The following INSRR variants were observed in gnomAD, a reference collection of about 807,000 sequenced individuals.
INSRR encodes insulin receptor related receptor.
A neutral mutation model predicts 130.0 loss-of-function variants in INSRR; 114 were observed. The ratio of observed to expected loss-of-function variants is 0.88; its 90% CI spans 0.75 to 1.02. The LOEUF is 1.02. Ranked by LOEUF, INSRR falls within the 50% of genes least tolerant of loss-of-function variation. INSRR has a pLI of 0.00. For synonymous variants in INSRR, 674 were observed against 705.2 expected (o/e 0.96, Z 0.70); for missense variants, 1,657 against 1,735.2 (o/e 0.95, Z 0.80).
At chr1:156,857,881 C>T (rs553738374) in intron 1 of INSRR, among the ~76,000 whole-genome samples, 142 of 152,334 alleles carry the variant, frequency 9.3e-4, no homozygotes, top group Non-Finnish European at 1.6e-3. Flanking sequence ...ACCAATCCCC[C>T]AGCACCTCCA....
intron 10 of INSRR, 102 bp from the exon 11 acceptor site, chr1:156,845,515 C>A: frequency 6.8e-7 from 1 of 1,480,834 alleles, no homozygotes. Flanking sequence ...CGGGACCCGC[C>A]CACACAAGCA....
In INSRR at chr1:156,841,384, G is replaced by C; in HGVS notation, c.3662+10C>G. On this transcript the variant is annotated intron_variant, in intron 21 of 21. Coordinates refer to ENST00000368195, the MANE Select transcript of INSRR (RefSeq NM_014215.3). Reference sequence around the variant, plus strand: ...TCAACAATGAGGAAGGGGCAGGGGAGGTGACTCACAGCTGAAGGGGACAGC... The same window carrying C: ...TCAACAATGAGGAAGGGGCAGGGGACGTGACTCACAGCTGAAGGGGACAGC... 6.2e-7 allele frequency: 1 copy of C among 1,613,210 alleles called. No individual in the cohort carries two copies. The highest frequency in any genetic ancestry group is 8.5e-7 in the Non-Finnish European group (1 of 1,179,340).
intron 1 of INSRR, among the ~76,000 whole-genome samples, chr1:156,857,178 TG>T (rs1655438232): frequency 9.0e-6 from 1 of 110,508 alleles, no homozygotes; most frequent in Non-Finnish European, 1.9e-5. Flanking sequence ...TGTGTGTGTG[TG>T]TGTGTGTGTG....
chr1:156,844,900 CA>C (rs1486877622), intron 12 of INSRR, 57 bp from the exon 13 acceptor site: 2 of 1,604,492 alleles, frequency 1.2e-6, no homozygotes, highest in Admixed American at 3.4e-5. Context: ...ACCTTATGTT[CA>C]AACCCAAGCT....
intron 10 of INSRR, 65 bp from the exon 11 acceptor site, chr1:156,845,478 GTACCGCCTCCAA>G: frequency 6.6e-7 from 1 of 1,513,510 alleles, no homozygotes; most frequent in Non-Finnish European, 8.8e-7. Context: ...TCTGCAGCGC[GTACCGCCTCCAA>G]AAGCACCCAC....
Position 156,858,675 on chromosome 1 carries a change from G to C in INSRR, c.-54C>G. The C allele has an allele frequency of 4.0e-6, 6 of 1,496,234 alleles. No homozygotes were observed. The South Asian group carries it at 6.8e-5, about 17-fold the overall frequency. The allele number at this position is 1,496,234 out of a possible 1,614,324, so 92.7% of individuals were successfully genotyped here. On this transcript the variant is annotated 5_prime_UTR_variant, in exon 1 of 22. Transcript: ENST00000368195. ...CGGCTCTCCTCCCGGTGACTCTGGGGAGAACGGTGTGATAAGCCCTAAGGG... is the reference window on the plus strand; with the variant it reads ...CGGCTCTCCTCCCGGTGACTCTGGGCAGAACGGTGTGATAAGCCCTAAGGG...
chr1:156,851,313 G>A lies in INSRR; in HGVS notation c.1206C>T (p.Ile402=), dbSNP rs573183273. 1 of 1,614,168 alleles carries A rather than the reference G, an allele frequency of 6.2e-7. No individual in the cohort carries two copies. The highest frequency in any genetic ancestry group is 8.5e-7 in the Non-Finnish European group (1 of 1,180,028). The change falls in exon 5 of 22, where the codon ATC becomes ATT. Residue 402 remains isoleucine (I), a synonymous_variant. Transcript: ENST00000368195. ...ACCCATCCACCATGGCGTCTCCCCGGATTAGTTTGAGGTTCTTGAAAAAGC... is the reference window on the plus strand; with the variant it reads ...ACCCATCCACCATGGCGTCTCCCCGAATTAGTTTGAGGTTCTTGAAAAAGC... The part of the protein sequence containing the change: ...SLGFFKNLKL[I]RGDAMVDGNY...
At chr1:156,843,257 A>G in intron 16 of INSRR, 24 bp from the exon 17 acceptor site, 6 of 1,607,710 alleles carry the variant, frequency 3.7e-6, no homozygotes, top group Non-Finnish European at 5.1e-6. Context: ...GAGGGTCACA[A>G]AGCGAGGATG....
rs953826098 is a variant in INSRR at position 156,844,884 on chromosome 1, C to A, written c.2438-41G>T. The A allele has an allele frequency of 1.9e-6, 3 of 1,611,058 alleles. No homozygotes were observed. In the African/African-American group the frequency reaches 4.0e-5, roughly 22 times the overall value. ...TCCAGCAGCCGGGCCAAAAGTGGTT[C>A]ATCTCACCTTATGTTCAAACCCAAG... On this transcript the variant is annotated intron_variant, in intron 12 of 21. Transcript: ENST00000368195.
chr1:156,842,211 C>A lies in INSRR; in HGVS notation c.3298G>T (p.Ala1100Ser), dbSNP rs982208257. The change falls in exon 19 of 22, where the codon GCA becomes TCA. Residue 1100 changes from alanine (A) to serine (S), a missense_variant. Coordinates refer to ENST00000368195, the MANE Select transcript of INSRR (RefSeq NM_014215.3). ...GCAGCAAGGTAGGCCATGCCGTCTGCAATCTCACCAGCCATTTGGATCATT... is the reference window on the plus strand; with the variant it reads ...GCAGCAAGGTAGGCCATGCCGTCTGAAATCTCACCAGCCATTTGGATCATT... Reference protein sequence around the residue: ...GEMIQMAGEIADGMAYLAANK... With the variant: ...GEMIQMAGEISDGMAYLAANK... The A allele has an allele frequency of 6.2e-7, 1 of 1,614,084 alleles. No homozygotes were observed. Among genetic ancestry groups the A allele is most frequent in the Non-Finnish European group, 8.5e-7 (1 of 1,179,998 alleles).
intron 1 of INSRR, among the ~76,000 whole-genome samples, chr1:156,855,446 C>T (rs1655376018): frequency 6.6e-6 from 1 of 152,164 alleles, no homozygotes; most frequent in African/African-American, 2.4e-5. Context: ...CTCAATTGAT[C>T]CACCCACCTT....
In INSRR at chr1:156,849,253, G is replaced by A. The variant is rs751982024; in HGVS notation, c.1437C>T (p.Arg479=). The change falls in exon 6 of 22, where the codon CGC becomes CGT. Residue 479 remains arginine, a synonymous_variant. Coordinates refer to ENST00000368195, the MANE Select transcript of INSRR (RefSeq NM_014215.3). ...CTGGGGTTGGGGTCTCACAGGCGGC[G>A]CGGTCTCCGTTGGTGCGGGGGTTGA... ...AEINPRTNGD[R]AACQTRTLRF... 1.2e-6 allele frequency: 2 copies of A among 1,613,756 alleles called. No homozygotes were observed. Among genetic ancestry groups the A allele is most frequent in the South Asian group, 1.1e-5 (1 of 91,078 alleles).
Position 156,840,978 on chromosome 1 carries a change from C to T in INSRR, c.3789G>A (p.Pro1263=), listed in dbSNP as rs370144321. The change falls in exon 22 of 22, where the codon CCG becomes CCA. Residue 1263 remains proline (P), a synonymous_variant. Coordinates refer to ENST00000368195, the MANE Select transcript of INSRR (RefSeq NM_014215.3). ...GGGAGCCCCGGGCCCCCCGGCATTCCGGGCTGTAGTAGAAGGAGAGGAGGC... is the reference window on the plus strand; with the variant it reads ...GGGAGCCCCGGGCCCCCCGGCATTCTGGGCTGTAGTAGAAGGAGAGGAGGC... ...SFRLLSFYYS[P]ECRGARGSLP... is the part of the protein sequence containing the mutation. The T allele has an allele frequency of 6.1e-5, 99 of 1,613,514 alleles. No homozygotes were observed. Among genetic ancestry groups the T allele is most frequent in the Admixed American group, 1.3e-4 (8 of 59,948 alleles).
Position 156,844,168 on chromosome 1 carries a change from T to C in INSRR, c.2843+7A>G, listed in dbSNP as rs745658294. 5.6e-6 allele frequency: 9 copies of C among 1,607,802 alleles called. No homozygotes were observed. The East Asian group carries it at 1.6e-4, about 28-fold the overall frequency. On this transcript the variant is annotated splice_region_variant and intron_variant, in intron 15 of 21. Coordinates refer to ENST00000368195, the MANE Select transcript of INSRR (RefSeq NM_014215.3). The stretch of plus-strand genomic sequence containing the variant: ...AGGGGGTGGGGACCGGTGGGACTTA[T>C]CATCACCTCTTCTTGCCGTAGAAGA...
chr1:156,843,611 C>A, intron 15 of INSRR, 132 bp from the exon 16 acceptor site: 1 of 927,388 alleles, frequency 1.1e-6, no homozygotes, highest in Non-Finnish European at 1.8e-6. Context: ...GTCAGGGTGA[C>A]TCCTGGGGAT....
At chr1:156,844,900 C>A in intron 12 of INSRR, 57 bp from the exon 13 acceptor site, 1 of 1,604,490 alleles carries the variant, frequency 6.2e-7, no homozygotes, top group South Asian at 1.1e-5. Flanking sequence ...ACCTTATGTT[C>A]AAACCCAAGC....
At chr1:156,845,330 C>A (rs954169122) in intron 11 of INSRR, 34 bp from the exon 12 acceptor site, 1 of 1,609,168 alleles carries the variant, frequency 6.2e-7, no homozygotes, top group East Asian at 2.2e-5. Flanking sequence ...AGGCCCAGCC[C>A]CCAAAGCCAC....
intron 9 of INSRR, 53 bp downstream of exon 9, chr1:156,845,899 A>C (rs998024845): frequency 7.5e-6 from 12 of 1,598,328 alleles, no homozygotes; most frequent in Non-Finnish European, 9.4e-6. Context: ...CTGCGCCTCC[A>C]TCTCCCCTTC....
rs1373060971 is a variant in INSRR, at chr1:156,841,808, G to T, written c.3398-14C>A. 6.2e-7 allele frequency: 1 copy of T among 1,614,140 alleles called. No individual in the cohort carries two copies. The highest frequency in any genetic ancestry group is 8.5e-7 in the Non-Finnish European group (1 of 1,180,006). On this transcript the variant is annotated splice_polypyrimidine_tract_variant and intron_variant, in intron 19 of 21. Transcript: ENST00000368195. ...TCATCCCGAAGTCTGGAAAGTGAGG[G>T]TGAGGGTGGAGGAGGTGTGGGGCAT...
Sources: allele counts gnomAD v4.1 joint callset (sites outside exome capture counted in the v4.1 genomes callset), GRCh38; gene constraint gnomAD v4.1.1; transcripts MANE v1.5; gene names NCBI Gene and HGNC (gene_info 2026-07-23, HGNC 2026-07-21).